PLCG2: variants seen among roughly 807,000 people sequenced by gnomAD.
The protein encoded by PLCG2 is phospholipase C gamma 2.
In PLCG2, 69 loss-of-function variants were observed where a neutral mutation model predicts 175.6. The ratio of observed to expected loss-of-function variants is 0.39; its 90% confidence interval spans 0.32 to 0.48. PLCG2 has a LOEUF of 0.48. Ranked by LOEUF, PLCG2 falls within the 20% of genes least tolerant of loss-of-function variation. The probability of loss-of-function intolerance (pLI) is 0.91; values close to 1 mark genes in which losing one functional copy is unlikely to be tolerated. For missense variants in PLCG2, 1,798 were observed against 1,650.9 expected (o/e 1.09, Z -1.54); for synonymous variants, 827 against 624.0 (o/e 1.33, Z -4.85).
chr16:81,909,247 A>G (rs1378957762), intron 17 of PLCG2, among the ~76,000 whole-genome samples: 1 of 152,200 alleles, frequency 6.6e-6, no homozygotes, highest in Admixed American at 6.5e-5. Context: ...GATGAGTGCA[A>G]TGAAACAAGG....
chr16:81,764,091 G>A (rs568218695), intron 2 of PLCG2, among the ~76,000 whole-genome samples: 2 of 152,172 alleles, frequency 1.3e-5, no homozygotes, highest in African/African-American at 2.4e-5. Context: ...CCAGGAGTTC[G>A]AGACCAGCCT....
chr16:81,752,631 C>A (rs1002818686), intron 1 of PLCG2, among the ~76,000 whole-genome samples: 3 of 152,228 alleles, frequency 2.0e-5, no homozygotes, highest in East Asian at 1.9e-4. Context: ...TTAGCTCCCC[C>A]TCCCCAGCCA....
At chr16:81,899,283 TATATATAC>T (rs1431147572) in intron 13 of PLCG2, among the ~76,000 whole-genome samples, 2,655 of 134,600 alleles carry the variant, frequency 0.02, 90 homozygotes, top group African/African-American at 0.075. Flanking sequence ...TATATATATA[TATATATAC>T]ACACACACAC....
chr16:81,919,702 T>C, intron 20 of PLCG2, 38 bp downstream of exon 20: 2 of 1,552,258 alleles, frequency 1.3e-6, no homozygotes, highest in Non-Finnish European at 1.8e-6. Flanking sequence ...GTGGGATTTC[T>C]TGTCTGAGGT....
chr16:81,893,601 T>A (rs1908740309), intron 11 of PLCG2, 108 bp from the exon 12 acceptor site: 1 of 708,954 alleles, frequency 1.4e-6, no homozygotes, highest in Non-Finnish European at 2.5e-6. Flanking sequence ...ACTCAGAGCT[T>A]TGGCGGCTCG....
intron 2 of PLCG2, among the ~76,000 whole-genome samples, chr16:81,790,771 T>C (rs9923199): frequency 0.59 from 89,674 of 151,882 alleles, 27,427 homozygotes; most frequent in South Asian, 0.78. Context: ...TTTTTGCCTC[T>C]CCCTCCCTAC....
chr16:81,803,598 CCT>C (rs1911849902), intron 2 of PLCG2, among the ~76,000 whole-genome samples: 3 of 60,148 alleles, frequency 5.0e-5, no homozygotes, highest in East Asian at 4.8e-4. Context: ...TTTCTTTTCT[CCT>C]TTTCTTTTCT....
intron 2 of PLCG2, among the ~76,000 whole-genome samples, chr16:81,826,498 A>G (rs764649202): frequency 2.6e-5 from 4 of 152,188 alleles, no homozygotes; most frequent in Admixed American, 6.5e-5. Context: ...TCGCAATAAT[A>G]GTAGGACCTA....
chr16:81,939,885 C>T lies in PLCG2; in HGVS notation c.3314-7C>T, dbSNP rs750926701. 1.9e-6 allele frequency: 3 copies of T among 1,609,656 alleles called. No homozygotes were observed. Among genetic ancestry groups the T allele is most frequent in the Admixed American group, 3.3e-5 (2 of 59,974 alleles). On this transcript the variant is annotated splice_polypyrimidine_tract_variant and splice_region_variant and intron_variant, in intron 29 of 32. Transcript: ENST00000564138. ...GTGGCCTCTCATGAGCTTTGATCTCCTTCCAGATGATAATGGCCTCAGCCC... is the reference window on the plus strand; with the variant it reads ...GTGGCCTCTCATGAGCTTTGATCTCTTTCCAGATGATAATGGCCTCAGCCC...
In PLCG2 at chr16:81,792,369, C is replaced by T. The variant is rs1052538815; in HGVS notation, c.193+6187C>T. Among the ~76,000 whole-genome samples, 3 of 150,952 alleles carry T rather than the reference C, an allele frequency of 2.0e-5. No individual in the cohort carries two copies. In the South Asian group the frequency reaches 6.3e-4, roughly 32 times the overall value. ...TAGTGGCACATGCCTGTAGTCCCAG[C>T]TACTTGGGAGGCTGAGGCACAGAAT... On this transcript the variant is annotated intron_variant, in intron 2 of 32. Coordinates refer to ENST00000564138, the MANE Select transcript of PLCG2 (RefSeq NM_002661.5).
intron 2 of PLCG2, among the ~76,000 whole-genome samples, chr16:81,758,334 G>A (rs1227241666): frequency 1.3e-5 from 2 of 152,148 alleles, no homozygotes; most frequent in Non-Finnish European, 2.9e-5. Flanking sequence ...TCAGCAAATC[G>A]TTTCTTTTTA....
At chr16:81,947,880 C>T (rs765048985) in intron 31 of PLCG2, among the ~76,000 whole-genome samples, 13 of 152,226 alleles carry the variant, frequency 8.5e-5, no homozygotes, top group South Asian at 6.2e-4. Flanking sequence ...ATCTAACGAC[C>T]GTTACCATCT....
chr16:81,798,199 A>G (rs1911558615), intron 2 of PLCG2, among the ~76,000 whole-genome samples: 1 of 152,046 alleles, frequency 6.6e-6, no homozygotes, highest in Non-Finnish European at 1.5e-5. Flanking sequence ...CACTGGGAGG[A>G]TTCAGTTTGT....
chr16:81,881,062 A>C, intron 8 of PLCG2, 109 bp downstream of exon 8: 1 of 1,142,856 alleles, frequency 8.8e-7, no homozygotes, highest in Middle Eastern at 2.3e-4. Flanking sequence ...CTGACCTCCA[A>C]AGGGGCAGGG....
intron 30 of PLCG2, among the ~76,000 whole-genome samples, chr16:81,941,591 T>C (rs1413365189): frequency 6.6e-6 from 1 of 151,538 alleles, no homozygotes; most frequent in African/African-American, 2.4e-5. Flanking sequence ...ACTCTAGAAA[T>C]GTTCATTTTC....
At chr16:81,906,182 C>T (rs1403005158) in intron 15 of PLCG2, 1 of 152,146 alleles carries the variant, frequency 6.6e-6, no homozygotes. Flanking sequence ...TTCATTGTTG[C>T]CACTGTGTTC....
chr16:81,883,432 T>C (rs142833782), intron 9 of PLCG2, 91 bp downstream of exon 9: 35 of 941,978 alleles, frequency 3.7e-5, no homozygotes, highest in Non-Finnish European at 4.5e-5. Flanking sequence ...GCTCACCTGG[T>C]CACCTGTGCT....
intron 27 of PLCG2, 80 bp downstream of exon 27, chr16:81,936,458 G>C (rs1281777680): frequency 1.8e-6 from 2 of 1,099,358 alleles, no homozygotes; most frequent in Non-Finnish European, 2.8e-6. Context: ...TTGGGTCAGC[G>C]ATACCATGTG....
intron 9 of PLCG2, among the ~76,000 whole-genome samples, chr16:81,886,714 A>G (rs144697646): frequency 8.6e-4 from 131 of 152,312 alleles, no homozygotes; most frequent in African/African-American, 2.9e-3. Context: ...CTTAATGACT[A>G]GAAGCCTCTC....
Sources: allele counts gnomAD v4.1 joint callset (sites outside exome capture counted in the v4.1 genomes callset), GRCh38; gene constraint gnomAD v4.1.1; transcripts MANE v1.5; gene names NCBI Gene and HGNC (gene_info 2026-07-23, HGNC 2026-07-21).